The following GRID2IP variants were observed in gnomAD, a reference collection of about 807,000 sequenced individuals.
GRID2IP encodes delphilin.
In GRID2IP, 78 loss-of-function variants were observed where a neutral mutation model predicts 114.3. The observed-to-expected ratio is 0.68, with a 90% confidence interval of 0.57 to 0.82. GRID2IP has a LOEUF of 0.82. GRID2IP is among the 40% of genes least tolerant of loss of function. GRID2IP has a pLI of 0.00. For missense variants in GRID2IP, 1,727 were observed against 1,678.5 expected, an observed-to-expected ratio of 1.03 and a Z score of -0.51; for synonymous variants, 809 against 724.0, an observed-to-expected ratio of 1.12 and a Z score of -1.89.
In GRID2IP at chr7:6,502,667, G is replaced by A. The variant is rs1429188411; in HGVS notation, c.3150+119C>T. 9.8e-6 allele frequency: 6 copies of A among 614,286 alleles called. No individual in the cohort carries two copies. In the East Asian group the frequency reaches 2.3e-4, roughly 24 times the overall value. The allele number at this position is 614,286 out of a possible 1,614,324, so 38.1% of individuals were successfully genotyped here. On this transcript the variant is annotated intron_variant, in intron 18 of 21. Coordinates refer to ENST00000457091, the MANE Select transcript of GRID2IP (RefSeq NM_001145118.2). ...CAATGTGGCCCTTTTCCTGCTAGGA[G>A]GAGAGCCCTCCTTGGTCACGATGTC...
At chr7:6,544,853 A>G (rs1482174647) in intron 1 of GRID2IP, among the ~76,000 whole-genome samples, 4 of 151,884 alleles carry the variant, frequency 2.6e-5, no homozygotes, top group African/African-American at 9.7e-5. Context: ...AGGCCGAGGC[A>G]GGCGGATCAC....
chr7:6,509,245 G>T lies in GRID2IP; in HGVS notation c.1840C>A (p.Leu614Met). 6.6e-7 allele frequency: 1 copy of T among 1,524,820 alleles called. No homozygotes were observed. Among genetic ancestry groups the T allele is most frequent in the African/African-American group, 1.4e-5 (1 of 72,652 alleles). 94.5% of individuals were successfully genotyped at this position (1,524,820 alleles called of 1,614,324 possible). A position where few individuals can be genotyped will look rare whatever the true frequency, so the allele number is the denominator to read the frequency against. ...RLLPSPCYHP[L>M]CSGGLASPSS... is the part of the protein sequence containing the mutation. The stretch of plus-strand genomic sequence containing the variant: ...GGGGAGGCCAGACCCCCCGAACACA[G>T]CGGGTGGTAGCAGGGGGAGGGCAAG... The change falls in exon 12 of 22, where the codon CTG (leucine) becomes ATG (methionine). Residue 614 changes from leucine to methionine, a missense_variant. Transcript: ENST00000457091. This position sits in a 1 kb window ranked among gnomAD's most constrained non-coding sequence, Gnocchi z 4.9.
chr7:6,510,519 G>A (rs964641886), intron 10 of GRID2IP, 90 bp downstream of exon 10: 10 of 1,301,120 alleles, frequency 7.7e-6, no homozygotes, highest in East Asian at 5.3e-5. Context: ...GCACAGGGAC[G>A]CCTTGGCCTG....
rs10263195 is a variant in GRID2IP, at chr7:6,536,623, A to G, written c.584+3095T>C. Among the ~76,000 whole-genome samples the G allele has an allele frequency of 0.022, 3,286 of 151,590 alleles. 119 individuals are homozygous for G. The highest frequency in any genetic ancestry group is 0.074 in the African/African-American group (3,048 of 41,398). ...CAGCAGCCGGGAGACGAGCGAGCCA[A>G]CTTCCTGGGGGACAGCTGGGCCGCC... On this transcript the variant is annotated intron_variant, in intron 2 of 21. Coordinates refer to ENST00000457091, the MANE Select transcript of GRID2IP (RefSeq NM_001145118.2). This position sits in a 1 kb window ranked among gnomAD's most constrained non-coding sequence, Gnocchi z 5.3.
rs774536259 is a variant in GRID2IP at position 6,497,664 on chromosome 7, G to A, written c.*110C>T. 8.2e-5 allele frequency: 60 copies of A among 730,982 alleles called. 1 individual carries two copies. In the Admixed American group the frequency reaches 1.1e-3, roughly 13 times the overall value. 45.3% of individuals were successfully genotyped at this position (730,982 alleles called of 1,614,324 possible). On this transcript the variant is annotated 3_prime_UTR_variant, in exon 22 of 22. Coordinates refer to ENST00000457091, the MANE Select transcript of GRID2IP (RefSeq NM_001145118.2). ...TGAGGTAGCTGCAGGAGAGGCTGGC[G>A]GTGTGCTCAGAGCCCGGGGCACAGT...
chr7:6,502,902 C>T, intron 17 of GRID2IP, 30 bp from the exon 18 acceptor site: 2 of 1,540,256 alleles, frequency 1.3e-6, no homozygotes, highest in East Asian at 2.4e-5. Flanking sequence ...TAGGTCCTGT[C>T]CTCACCCCAC....
rs934242306 is a variant in GRID2IP, at chr7:6,521,566, C to A, written c.990-43G>T. ...CCCAGGAGGGCCTGACTGGGGTGAG[C>A]CCTGTCCACGGCCACCAGCCAGACC... is the stretch of plus-strand genomic sequence containing the variant. On this transcript the variant is annotated intron_variant, in intron 5 of 21. Transcript: ENST00000457091. The surrounding 1 kb of genome is among the most constrained non-coding windows in gnomAD (Gnocchi z 4.1). 46 of 1,437,504 alleles carry A rather than the reference C, an allele frequency of 3.2e-5. No homozygotes were observed. The highest frequency in any genetic ancestry group is 1.3e-4 in the Admixed American group (6 of 44,810). The allele number at this position is 1,437,504 out of a possible 1,614,324, so 89.0% of individuals were successfully genotyped here.
chr7:6,542,638 C>T (rs1181122963), intron 1 of GRID2IP, among the ~76,000 whole-genome samples: 1 of 151,930 alleles, frequency 6.6e-6, no homozygotes, highest in Non-Finnish European at 1.5e-5. Flanking sequence ...ACAGTCTGGG[C>T]AACAGATCAA....
Position 6,510,284 on chromosome 7 carries a change from T to A in GRID2IP, c.1770A>T (p.Thr590=), listed in dbSNP as rs1245578617. The A allele has an allele frequency of 6.5e-7, 1 of 1,534,936 alleles. No homozygotes were observed. Among genetic ancestry groups the A allele is most frequent in the Non-Finnish European group, 8.8e-7 (1 of 1,136,948 alleles). Residue 590 remains threonine (T), a splice_region_variant and synonymous_variant, in exon 11 of 22, where the codon ACA becomes ACT. Transcript: ENST00000457091. ...AGATGACAGAGGCTGGAGCCCTACC[T>A]GTGGTGACTGCTGGGCTGGGGCCTG... The part of the protein sequence containing the change: ...SPPGPSPAVT[T]GPRTLSGVSW...
Position 6,521,895 on chromosome 7 carries a change from C to T in GRID2IP, c.982G>A (p.Asp328Asn). The change falls in exon 5 of 22, where the codon GAC becomes AAC. Residue 328 changes from aspartate to asparagine, a missense_variant. Physicochemically the swap from Asp to Asn is conservative, Grantham distance 23. Transcript: ENST00000457091. This position sits in a 1 kb window ranked among gnomAD's most constrained non-coding sequence, Gnocchi z 4.1. Reference sequence around the variant, plus strand: ...TCCCCAATAGCCTCTGACCTCATGTCCAGTCCATTGAGGAAGAGGATCCGG... The same window carrying T: ...TCCCCAATAGCCTCTGACCTCATGTTCAGTCCATTGAGGAAGAGGATCCGG... ...GDRILFLNGL[D>N]MRNCSHDKVV... The T allele has an allele frequency of 6.4e-7, 1 of 1,550,654 alleles. No homozygotes were observed. Among genetic ancestry groups the T allele is most frequent in the Non-Finnish European group, 8.7e-7 (1 of 1,146,074 alleles).
chr7:6,504,517 C>G (rs368600109), intron 15 of GRID2IP, among the ~76,000 whole-genome samples: 1 of 145,176 alleles, frequency 6.9e-6, no homozygotes, highest in East Asian at 2.1e-4. Flanking sequence ...GGGGTCGGGC[C>G]AGGGACTAGG....
At chr7:6,535,596 T>C (rs143534184) in intron 2 of GRID2IP, among the ~76,000 whole-genome samples, 2,352 of 152,306 alleles carry the variant, frequency 0.015, 66 homozygotes, top group African/African-American at 0.054. Context: ...TGGGGCACAG[T>C]GGCTCACACC....
intron 1 of GRID2IP, among the ~76,000 whole-genome samples, chr7:6,548,467 C>G (rs1779919643): frequency 6.6e-6 from 1 of 152,112 alleles, no homozygotes; most frequent in South Asian, 2.1e-4. Flanking sequence ...CATTGCATGC[C>G]TGTATTAGAG....
chr7:6,536,820 C>T lies in GRID2IP; in HGVS notation c.584+2898G>A, dbSNP rs1314132714. The T allele has an allele frequency of 1.4e-6, 1 of 702,032 alleles. No individual in the cohort carries two copies. The highest frequency in any genetic ancestry group is 2.7e-5 in the East Asian group (1 of 37,216). The allele number at this position is 702,032 out of a possible 1,614,324, so 43.5% of individuals were successfully genotyped here. On this transcript the variant is annotated intron_variant, in intron 2 of 21. Coordinates refer to ENST00000457091, the MANE Select transcript of GRID2IP (RefSeq NM_001145118.2). The surrounding 1 kb of genome is among the most constrained non-coding windows in gnomAD (Gnocchi z 5.3). ...CTGATTCTCCTAGCAAGGGGCTCAC[C>T]CCTTACTCACCCCAGGCAGCTCATG... is the stretch of plus-strand genomic sequence containing the variant.
chr7:6,497,916 C>T lies in GRID2IP; in HGVS notation c.3565-71G>A, dbSNP rs550441334. 7.0e-6 allele frequency: 10 copies of T among 1,433,176 alleles called. No homozygotes were observed. In the Admixed American group the frequency reaches 1.4e-4, roughly 21 times the overall value. The allele number at this position is 1,433,176 out of a possible 1,614,324, so 88.8% of individuals were successfully genotyped here. ...ACCTGTGACGCCTTCCCTGTCTCTT[C>T]CCACACTAGACAGCCCATCAGGGGG... On this transcript the variant is annotated intron_variant, in intron 21 of 21. Transcript: ENST00000457091.
chr7:6,548,513 G>C (rs1262446546), intron 1 of GRID2IP, among the ~76,000 whole-genome samples: 1 of 151,704 alleles, frequency 6.6e-6, no homozygotes, highest in African/African-American at 2.4e-5. Context: ...ACACGTATTA[G>C]GTACCCACAA....
chr7:6,525,932 GCAGAACCTGGTTCCCTTGGC>G (rs1309442752), intron 4 of GRID2IP, among the ~76,000 whole-genome samples: 1 of 152,160 alleles, frequency 6.6e-6, no homozygotes, highest in African/African-American at 2.4e-5. Context: ...AGGTCTGGAT[GCAGAACCTGGTTCCCTTGGC>G]TTGGGGGGAT....
intron 20 of GRID2IP, 57 bp downstream of exon 20, chr7:6,501,724 T>A (rs1786420223): frequency 1.5e-6 from 2 of 1,324,624 alleles, no homozygotes; most frequent in Admixed American, 4.0e-5. Context: ...CACAGCCAGC[T>A]CTACCCAACC....
chr7:6,524,811 G>A (rs993374516), intron 4 of GRID2IP, among the ~76,000 whole-genome samples: 2 of 151,648 alleles, frequency 1.3e-5, no homozygotes, highest in Non-Finnish European at 2.9e-5. Context: ...CCGCCTCCCG[G>A]GCTCACGCCA....
Sources: gnomAD v4.1 joint callset for allele counts (sites outside exome capture counted in the v4.1 genomes callset) on GRCh38, gnomAD v4.1.1 for gene constraint, Gnocchi (gnomAD v3.1) non-coding constraint, MANE v1.5 for transcripts, NCBI Gene and HGNC (gene_info 2026-07-23, HGNC 2026-07-21) for gene names.